PCDHGB1: variants seen among roughly 807,000 people sequenced by gnomAD.
PCDHGB1 encodes the protein protocadherin gamma subfamily B, 1.
PCDHGB1 carries 34 observed loss-of-function variants against 56.6 expected under a neutral mutation model. The observed-to-expected ratio is 0.60, with a 90% CI of 0.46 to 0.80. The LOEUF is 0.80. Ranked by LOEUF, PCDHGB1 falls within the 30% of genes least tolerant of loss-of-function variation. The probability of loss-of-function intolerance (pLI) is 0.00; values close to 1 mark genes in which losing one functional copy is unlikely to be tolerated. For synonymous variants in PCDHGB1, 561 were observed against 505.9 expected (o/e 1.11, Z -1.46); for missense variants, 1,278 against 1,204.6 (o/e 1.06, Z -0.90).
In PCDHGB1 at chr5:141,476,042, T is replaced by C. The variant is rs199923442; in HGVS notation, c.2410-18765T>C. On this transcript the variant is annotated intron_variant, in intron 1 of 3. Coordinates refer to ENST00000523390, the MANE Select transcript of PCDHGB1 (RefSeq NM_018922.3). The surrounding 1 kb of genome is among the most constrained non-coding windows in gnomAD (Gnocchi z 7.6). Reference sequence around the variant, plus strand: ...GACTCGGCGCCCAGCGCCCAAGCGCTAACCCGCTGAAAGTTTCTCAGCGAA... The same window carrying C: ...GACTCGGCGCCCAGCGCCCAAGCGCCAACCCGCTGAAAGTTTCTCAGCGAA... 1.4e-5 allele frequency: 21 copies of C among 1,491,832 alleles called. No individual in the cohort carries two copies. The highest frequency in any genetic ancestry group is 2.7e-6 in the Non-Finnish European group (3 of 1,123,808). 92.4% of individuals were successfully genotyped at this position (1,491,832 alleles called of 1,614,324 possible). A position where few individuals can be genotyped will look rare whatever the true frequency, so the allele number is the denominator to read the frequency against.
chr5:141,421,058 A>G, intron 1 of PCDHGB1: 2 of 577,316 alleles, frequency 3.5e-6, no homozygotes, highest in Non-Finnish European at 3.0e-6. Context: ...TCTACCACAC[A>G]AAGCGGAATG....
intron 1 of PCDHGB1, chr5:141,355,965 T>C: frequency 6.2e-7 from 1 of 1,613,884 alleles, no homozygotes; most frequent in South Asian, 1.1e-5. Context: ...GTGAGAACGT[T>C]CCTGTAGGCA....
chr5:141,351,485 G>A lies in PCDHGB1; in HGVS notation c.1225G>A (p.Glu409Lys), dbSNP rs757788189. 3.7e-6 allele frequency: 6 copies of A among 1,613,904 alleles called. No homozygotes were observed. The highest frequency in any genetic ancestry group is 5.1e-6 in the Non-Finnish European group (6 of 1,179,872). ...KLVIAGALNR[E>K]QTADYNVTII... ...GGTGATTGCTGGAGCCCTAAACCGG[G>A]AGCAGACAGCAGACTACAACGTCAC... The change falls in exon 1 of 4, where the codon GAG (glutamate) becomes AAG (lysine). Residue 409 changes from glutamate to lysine, a missense_variant. By Grantham distance (56) the Glu-to-Lys change is moderately conservative (BLOSUM62 1). Coordinates refer to ENST00000523390, the MANE Select transcript of PCDHGB1 (RefSeq NM_018922.3).
chr5:141,511,028 T>C lies in PCDHGB1; in HGVS notation c.2639T>C (p.Leu880Pro). ...GCCCGCTACGGACCCCAGTTCACCC[T>C]GCAGCACGTGCCCGACTACCGCCAG... ...LSARYGPQFTLQHVPDYRQNV... is the reference protein window; with the variant it reads ...LSARYGPQFTPQHVPDYRQNV... The change falls in exon 4 of 4, where the codon CTG becomes CCG. Residue 880 changes from leucine (L) to proline (P), a missense_variant. Leu to Pro is a moderately conservative substitution (Grantham distance 98, BLOSUM62 -3). Transcript: ENST00000523390. 1 of 1,614,202 alleles carries C rather than the reference T, an allele frequency of 6.2e-7. No homozygotes were observed. Among genetic ancestry groups the C allele is most frequent in the Non-Finnish European group, 8.5e-7 (1 of 1,180,028 alleles).
chr5:141,363,067 T>A (rs1215757323), intron 1 of PCDHGB1, among the ~76,000 whole-genome samples: 1 of 152,250 alleles, frequency 6.6e-6, no homozygotes, highest in Non-Finnish European at 1.5e-5. Context: ...GCTAAATGTC[T>A]TGGAATCACA....
Position 141,512,574 on chromosome 5 carries a change from C to G in PCDHGB1, c.*1401C>G, listed in dbSNP as rs1429371202. 2 of 152,884 alleles carry G rather than the reference C, an allele frequency of 1.3e-5. No homozygotes were observed. Among genetic ancestry groups the G allele is most frequent in the South Asian group, 2.1e-4 (1 of 4,836 alleles). 9.5% of individuals were successfully genotyped at this position (152,884 alleles called of 1,614,324 possible). On this transcript the variant is annotated 3_prime_UTR_variant, in exon 4 of 4. Transcript: ENST00000523390. ...GTGCATAGACCTTCTTCTCCCACCC[C>G]CTTCTGCCCCTGGGTCCCCGGCCAT...
chr5:141,489,935 T>C lies in PCDHGB1; in HGVS notation c.2410-4872T>C. On this transcript the variant is annotated intron_variant, in intron 1 of 3. Coordinates refer to ENST00000523390, the MANE Select transcript of PCDHGB1 (RefSeq NM_018922.3). The surrounding 1 kb of genome is among the most constrained non-coding windows in gnomAD (Gnocchi z 4.5). ...GGGACCACCCTTATCTCTGTCATCG[T>C]GCTGGACATCAATGATAATGCTCCA... 1 of 1,614,216 alleles carries C rather than the reference T, an allele frequency of 6.2e-7. No individual in the cohort carries two copies.
intron 1 of PCDHGB1, chr5:141,393,429 G>GCAA (rs761074463): frequency 2.5e-6 from 4 of 1,613,910 alleles, no homozygotes; most frequent in South Asian, 1.1e-5. Flanking sequence ...GGAGGAAGAG[G>GCAA]CTGCTCACCA....
In PCDHGB1 at chr5:141,352,384, C is replaced by A. The variant is rs771384435; in HGVS notation, c.2124C>A (p.Ala708=). Residue 708 remains alanine, a synonymous_variant, in exon 1 of 4, where the codon GCC becomes GCA. Transcript: ENST00000523390. ...LFLLAVILAI[A]LRLRRSSSLD... ...TCCTCGCGGTGATTCTAGCGATCGC[C>A]CTGCGCCTGCGACGTTCCTCCAGCC... The A allele has an allele frequency of 1.2e-6, 2 of 1,613,934 alleles. No individual in the cohort carries two copies. The highest frequency in any genetic ancestry group is 3.3e-5 in the Admixed American group (2 of 60,008).
At chr5:141,370,986 G>A in intron 1 of PCDHGB1, 2 of 1,613,992 alleles carry the variant, frequency 1.2e-6, no homozygotes, top group Non-Finnish European at 1.7e-6. Context: ...AGTACTGAAA[G>A]CACCCCTGGA....
intron 1 of PCDHGB1, chr5:141,373,808 A>C (rs1769864521): frequency 5.8e-6 from 2 of 342,678 alleles, no homozygotes; most frequent in South Asian, 1.1e-4. Flanking sequence ...TCTGTGTGAT[A>C]GTTTCACAAA....
At chr5:141,496,373 C>T (rs1315450867) in intron 2 of PCDHGB1, among the ~76,000 whole-genome samples, 2 of 152,216 alleles carry the variant, frequency 1.3e-5, no homozygotes. Flanking sequence ...GAAGCAGGAG[C>T]TTGGGCCACC....
chr5:141,362,633 T>G (rs1561527667), intron 1 of PCDHGB1: 1 of 1,490,046 alleles, frequency 6.7e-7, no homozygotes, highest in Non-Finnish European at 9.0e-7. Flanking sequence ...CACTGCGTAT[T>G]TCTTTGTCTG....
At chr5:141,414,083 G>C (rs964114178) in intron 1 of PCDHGB1, 1 of 1,601,124 alleles carries the variant, frequency 6.2e-7, no homozygotes, top group Non-Finnish European at 8.5e-7. Context: ...AAATATACTG[G>C]AGAAATAAAA....
At chr5:141,450,516 C>T (rs150995579) in intron 1 of PCDHGB1, among the ~76,000 whole-genome samples, 2,020 of 152,024 alleles carry the variant, frequency 0.013, 56 homozygotes, top group African/African-American at 0.046. Context: ...GATGGAGTCT[C>T]ATTCTTGTCA....
At chr5:141,385,097 C>G in intron 1 of PCDHGB1, 1 of 1,614,192 alleles carries the variant, frequency 6.2e-7, no homozygotes, top group Non-Finnish European at 8.5e-7. Context: ...GGTGGCTTGG[C>G]GAACGTGCCC....
intron 1 of PCDHGB1, among the ~76,000 whole-genome samples, chr5:141,386,684 T>A (rs1216561775): frequency 6.6e-6 from 1 of 152,098 alleles, no homozygotes; most frequent in African/African-American, 2.4e-5. Flanking sequence ...AGATGTACAA[T>A]CACTTGGGGT....
intron 1 of PCDHGB1, among the ~76,000 whole-genome samples, chr5:141,448,086 T>TA (rs558292628): frequency 0.011 from 1,579 of 146,268 alleles, 11 homozygotes; most frequent in Non-Finnish European, 0.016. Context: ...AATGCCATCT[T>TA]AAAAAAAAAA....
At chr5:141,360,729 C>A in intron 1 of PCDHGB1, 1 of 1,614,004 alleles carries the variant, frequency 6.2e-7, no homozygotes, top group Non-Finnish European at 8.5e-7. Flanking sequence ...TTCTAAAACA[C>A]TCTCTGGACA....
Sources: gnomAD v4.1 joint callset for allele counts (sites outside exome capture counted in the v4.1 genomes callset) on GRCh38, gnomAD v4.1.1 for gene constraint, Gnocchi (gnomAD v3.1) non-coding constraint, MANE v1.5 for transcripts, NCBI Gene and HGNC (gene_info 2026-07-23, HGNC 2026-07-21) for gene names.